ANKUB1: variants seen among roughly 807,000 people sequenced by gnomAD.
The protein encoded by ANKUB1 is ankyrin repeat and ubiquitin domain containing 1, also known as protein ANKUB1.
ANKUB1 carries 42 observed loss-of-function variants against 49.3 expected under a neutral mutation model. The ratio of observed to expected loss-of-function variants is 0.85; its 90% CI spans 0.67 to 1.10. ANKUB1 has a LOEUF of 1.10. Ranked by LOEUF, ANKUB1 falls within the 50% of genes least tolerant of loss-of-function variation. The pLI, the probability that ANKUB1 is intolerant of heterozygous loss-of-function variation, is 0.00. For missense variants in ANKUB1, 613 were observed against 642.0 expected, an observed-to-expected ratio of 0.95 and a Z score of 0.49; for synonymous variants, 222 against 231.0, an observed-to-expected ratio of 0.96 and a Z score of 0.35.
chr3:149,786,286 C>T (rs577763463), intron 2 of ANKUB1, among the ~76,000 whole-genome samples: 12 of 152,312 alleles, frequency 7.9e-5, no homozygotes, highest in Non-Finnish European at 1.5e-4. Flanking sequence ...CTACCCACCT[C>T]GACCTCCCAA....
At chr3:149,786,371 A>T (rs1718101443) in intron 2 of ANKUB1, among the ~76,000 whole-genome samples, 1 of 152,114 alleles carries the variant, frequency 6.6e-6, no homozygotes. Flanking sequence ...TGGCTGCATA[A>T]ATGTCTTCTT....
chr3:149,778,372 A>G (rs188039585), intron 3 of ANKUB1: 7 of 152,332 alleles, frequency 4.6e-5, no homozygotes, highest in Admixed American at 4.6e-4. Flanking sequence ...CATGCTGAGC[A>G]AGTCATTTAA....
intron 3 of ANKUB1, among the ~76,000 whole-genome samples, chr3:149,775,988 A>T (rs1302168008): frequency 6.6e-6 from 1 of 152,136 alleles, no homozygotes; most frequent in Non-Finnish European, 1.5e-5. Flanking sequence ...CACACATATT[A>T]AGATATACTT....
chr3:149,773,198 C>T (rs1212374077), intron 3 of ANKUB1, among the ~76,000 whole-genome samples: 3 of 152,086 alleles, frequency 2.0e-5, no homozygotes, highest in Non-Finnish European at 4.4e-5. Flanking sequence ...TACACGAACA[C>T]GACAAAGGAT....
chr3:149,778,410 G>C (rs939762273), intron 3 of ANKUB1: 2 of 152,134 alleles, frequency 1.3e-5, no homozygotes. Flanking sequence ...TTTTTTTCAA[G>C]TCTGTAAAAG....
intron 1 of ANKUB1, 79 bp from the exon 2 acceptor site, chr3:149,791,003 A>G (rs972280245): frequency 4.5e-5 from 62 of 1,375,374 alleles, no homozygotes; most frequent in Middle Eastern, 3.7e-4. Context: ...TTCCCTTTAC[A>G]TTTTTTTCCT....
chr3:149,774,882 G>C (rs149978543), intron 3 of ANKUB1, among the ~76,000 whole-genome samples: 109 of 152,274 alleles, frequency 7.2e-4, no homozygotes, highest in African/African-American at 2.5e-3. Context: ...TTGGGAAATA[G>C]AAATTTACTT....
rs754529029 is a variant in ANKUB1 at position 149,767,827 on chromosome 3, T to C, written c.835A>G (p.Thr279Ala). ...CKNAAGQTPL[T>A]IVFKHKHKDC... ...TTATGCTTGTGTTTGAACACAATGG[T>C]CAGGGGAGTTTGTCCTGCTGCATTT... Residue 279 changes from threonine (T) to alanine (A), a missense_variant, in exon 5 of 6, where the codon ACC (threonine) becomes GCC (alanine). By Grantham distance (58) the Thr-to-Ala change is moderately conservative. Transcript: ENST00000446160. 1 of 1,551,740 alleles carries C rather than the reference T, an allele frequency of 6.4e-7. No individual in the cohort carries two copies. The highest frequency in any genetic ancestry group is 1.2e-5 in the South Asian group (1 of 84,068).
At chr3:149,768,754 G>A (rs951199172) in intron 4 of ANKUB1, among the ~76,000 whole-genome samples, 3 of 152,198 alleles carry the variant, frequency 2.0e-5, no homozygotes, top group Non-Finnish European at 2.9e-5. Flanking sequence ...CGTTGGCCAC[G>A]CTGGTGTCGA....
intron 5 of ANKUB1, 96 bp from the exon 6 acceptor site, chr3:149,761,709 A>G: frequency 7.3e-7 from 1 of 1,378,790 alleles, no homozygotes. Flanking sequence ...TTTTGTAGCT[A>G]GGGCTAGTTT....
chr3:149,781,187 T>C (rs372579724), intron 2 of ANKUB1, among the ~76,000 whole-genome samples: 1 of 152,268 alleles, frequency 6.6e-6, no homozygotes, highest in East Asian at 1.9e-4. Flanking sequence ...CTTTTGTTTC[T>C]TTCATTTTGT....
chr3:149,766,373 G>A (rs916125669), intron 5 of ANKUB1, among the ~76,000 whole-genome samples: 4 of 151,938 alleles, frequency 2.6e-5, no homozygotes, highest in African/African-American at 9.7e-5. Context: ...TTACCATTTA[G>A]TTTTCTATGA....
chr3:149,775,808 A>T (rs1445118871), intron 3 of ANKUB1, among the ~76,000 whole-genome samples: 1 of 152,146 alleles, frequency 6.6e-6, no homozygotes, highest in Non-Finnish European at 1.5e-5. Flanking sequence ...CAGAAAGAGG[A>T]AAGCAAAAGC....
At chr3:149,778,262 G>A (rs1008758593) in intron 3 of ANKUB1, 1 of 152,178 alleles carries the variant, frequency 6.6e-6, no homozygotes, top group Non-Finnish European at 1.5e-5. Flanking sequence ...GCCTACTCAG[G>A]TCATGCTTAG....
intron 2 of ANKUB1, among the ~76,000 whole-genome samples, chr3:149,789,687 T>A (rs1576685421): frequency 6.6e-6 from 1 of 150,890 alleles, no homozygotes; most frequent in Admixed American, 6.6e-5. Flanking sequence ...TGGAGTGCAG[T>A]GGCTCGAGCT....
At chr3:149,784,321 G>T (rs1717996211) in intron 2 of ANKUB1, among the ~76,000 whole-genome samples, 1 of 152,188 alleles carries the variant, frequency 6.6e-6, no homozygotes, top group South Asian at 2.1e-4. Flanking sequence ...AGCACAACCT[G>T]CTGGATAGTT....
chr3:149,780,551 C>T, intron 2 of ANKUB1, 96 bp from the exon 3 acceptor site: 1 of 861,440 alleles, frequency 1.2e-6, no homozygotes, highest in Non-Finnish European at 1.9e-6. Context: ...AGCTCCACGA[C>T]ATGGGTGTTA....
intron 3 of ANKUB1, among the ~76,000 whole-genome samples, chr3:149,773,741 A>G (rs1237963398): frequency 6.6e-6 from 1 of 152,212 alleles, no homozygotes; most frequent in Non-Finnish European, 1.5e-5. Flanking sequence ...AATGAGCAGT[A>G]GAAAGCTTTA....
intron 5 of ANKUB1, among the ~76,000 whole-genome samples, chr3:149,763,239 C>T (rs1405556086): frequency 6.6e-6 from 1 of 152,122 alleles, no homozygotes; most frequent in Non-Finnish European, 1.5e-5. Flanking sequence ...TCAGCCTTTC[C>T]CTGTATCCCA....
Sources: gnomAD v4.1 joint callset for allele counts (sites outside exome capture counted in the v4.1 genomes callset) on GRCh38, gnomAD v4.1.1 for gene constraint, MANE v1.5 for transcripts, NCBI Gene and HGNC (gene_info 2026-07-23, HGNC 2026-07-21) for gene names.